CACHD1: variants seen among roughly 807,000 people sequenced by gnomAD.
The protein encoded by CACHD1 is cache domain containing 1, also known as VWFA and cache domain-containing protein 1.
A neutral mutation model predicts 138.7 loss-of-function variants in CACHD1; 71 were observed. That is an observed-to-expected ratio of 0.51 (90% CI 0.42 to 0.62). The LOEUF (loss-of-function observed/expected upper bound fraction) is 0.62. Among genes scored for constraint, CACHD1 ranks in the 20% least tolerant of loss-of-function variants. CACHD1 has a pLI of 0.00. For missense variants in CACHD1, 1,389 were observed against 1,625.3 expected, an observed-to-expected ratio of 0.85 and a Z score of 2.50; for synonymous variants, 578 against 591.5, an observed-to-expected ratio of 0.98 and a Z score of 0.33.
chr1:64,521,630 T>C (rs1646498724), intron 1 of CACHD1, among the ~76,000 whole-genome samples: 1 of 152,224 alleles, frequency 6.6e-6, no homozygotes, highest in African/African-American at 2.4e-5. Flanking sequence ...ATTGGATTGT[T>C]TCCACCTTTT....
intron 8 of CACHD1, 90 bp from the exon 9 acceptor site, chr1:64,647,711 T>C (rs896481756): frequency 1.9e-6 from 2 of 1,059,746 alleles, no homozygotes; most frequent in Non-Finnish European, 2.8e-6. Flanking sequence ...CAAGACCTCA[T>C]CCATGCCCGT....
Position 64,647,845 on chromosome 1 carries a change from G to A in CACHD1, c.1201G>A (p.Ala401Thr), listed in dbSNP as rs1648960170. Residue 401 changes from alanine (A) to threonine (T), a missense_variant, in exon 9 of 27, where the codon GCT (alanine) becomes ACT (threonine). By Grantham distance (58) the Ala-to-Thr change is moderately conservative. This residue lies in a region of CACHD1 where 1,000 missense variants were observed against 1,114.7 expected (regional missense o/e 0.90). Transcript: ENST00000651257. ...LKELAFLRDL[A>T]EQNSGKYGVP... ...AGAGCTGGCTTTTCTGAGGGATCTAGCTGAACAGAATTCAGGGAAGTACGG... is the reference window on the plus strand; with the variant it reads ...AGAGCTGGCTTTTCTGAGGGATCTAACTGAACAGAATTCAGGGAAGTACGG... 6.2e-7 allele frequency: 1 copy of A among 1,614,092 alleles called. No homozygotes were observed. Among genetic ancestry groups the A allele is most frequent in the South Asian group, 1.1e-5 (1 of 91,086 alleles).
chr1:64,547,284 C>A (rs892577102), intron 1 of CACHD1, among the ~76,000 whole-genome samples: 3 of 152,172 alleles, frequency 2.0e-5, no homozygotes, highest in Non-Finnish European at 4.4e-5. Flanking sequence ...CGATTACTGT[C>A]CATTGACCTA....
chr1:64,529,930 T>C (rs74082822), intron 1 of CACHD1, among the ~76,000 whole-genome samples: 3,018 of 152,312 alleles, frequency 0.02, 103 homozygotes, highest in African/African-American at 0.069. Context: ...AAATCTACTT[T>C]TTCGTCCTTC....
chr1:64,481,864 CTCTA>C (rs1423874863), intron 1 of CACHD1, among the ~76,000 whole-genome samples: 1 of 152,124 alleles, frequency 6.6e-6, no homozygotes, highest in African/African-American at 2.4e-5. Context: ...GTCTGCTTGA[CTCTA>C]TATATAAAAA....
At chr1:64,573,937 G>C (rs184259861) in intron 2 of CACHD1, among the ~76,000 whole-genome samples, 37 of 152,248 alleles carry the variant, frequency 2.4e-4, no homozygotes, top group South Asian at 2.1e-3. Context: ...TTGTGTTATT[G>C]GTTTGTTGGG....
chr1:64,663,308 T>C (rs1649508579), intron 13 of CACHD1, among the ~76,000 whole-genome samples: 1 of 152,058 alleles, frequency 6.6e-6, no homozygotes, highest in Admixed American at 6.5e-5. Context: ...ATCCCAGCAC[T>C]TTGGGAGGAC....
At chr1:64,651,122 A>T (rs756431463) in intron 9 of CACHD1, among the ~76,000 whole-genome samples, 2 of 152,112 alleles carry the variant, frequency 1.3e-5, no homozygotes, top group East Asian at 1.9e-4. Context: ...CCTGTTACCT[A>T]AGTACGGTCT....
intron 1 of CACHD1, among the ~76,000 whole-genome samples, chr1:64,544,140 C>G (rs932547818): frequency 2.6e-5 from 4 of 152,074 alleles, no homozygotes; most frequent in African/African-American, 9.7e-5. Flanking sequence ...CTGAATGAAG[C>G]CATTACTGAA....
intron 2 of CACHD1, among the ~76,000 whole-genome samples, chr1:64,581,427 AG>A (rs531350681): frequency 3.1e-4 from 47 of 152,308 alleles, no homozygotes; most frequent in African/African-American, 1.1e-3. Flanking sequence ...TCTTTGATGA[AG>A]CTGTGGTATT....
chr1:64,510,219 G>A (rs1646408977), intron 1 of CACHD1, among the ~76,000 whole-genome samples: 1 of 152,120 alleles, frequency 6.6e-6, no homozygotes, highest in East Asian at 1.9e-4. Flanking sequence ...AAGTAGAGTT[G>A]CTCCAACAGC....
chr1:64,654,858 T>C, intron 12 of CACHD1, 55 bp downstream of exon 12: 2 of 1,311,638 alleles, frequency 1.5e-6, no homozygotes, highest in Non-Finnish European at 2.2e-6. Flanking sequence ...AGTGCTCTTC[T>C]TCATGTTGGA....
chr1:64,486,373 C>CAT (rs1461436089), intron 1 of CACHD1, among the ~76,000 whole-genome samples: 5 of 147,120 alleles, frequency 3.4e-5, no homozygotes, highest in Non-Finnish European at 7.5e-5. Flanking sequence ...CACACATACA[C>CAT]ACACACACAC....
chr1:64,530,938 T>TTG (rs1646579947), intron 1 of CACHD1, among the ~76,000 whole-genome samples: 1 of 148,888 alleles, frequency 6.7e-6, no homozygotes, highest in Admixed American at 6.7e-5. Flanking sequence ...TTTTTGTTTT[T>TTG]TTTTTTTTTA....
intron 6 of CACHD1, 26 bp from the exon 7 acceptor site, chr1:64,634,018 G>GTTTT (rs764180229): frequency 4.9e-5 from 59 of 1,204,792 alleles, no homozygotes; most frequent in South Asian, 2.4e-4. Context: ...AAGTTTGGTG[G>GTTTT]TTTTTTTTTT....
intron 1 of CACHD1, among the ~76,000 whole-genome samples, chr1:64,494,276 G>A (rs371437332): frequency 4.6e-5 from 7 of 152,220 alleles, no homozygotes; most frequent in African/African-American, 1.7e-4. Context: ...GTAGGGGCTT[G>A]TAAAGTGGGA....
At chr1:64,563,478 C>G (rs1340056282) in intron 2 of CACHD1, among the ~76,000 whole-genome samples, 1 of 152,212 alleles carries the variant, frequency 6.6e-6, no homozygotes, top group Non-Finnish European at 1.5e-5. Context: ...GCATGAAATT[C>G]TATCCTTTTG....
chr1:64,681,673 A>T (rs530269834), intron 25 of CACHD1, among the ~76,000 whole-genome samples: 42 of 150,080 alleles, frequency 2.8e-4, no homozygotes, highest in Non-Finnish European at 5.0e-4. Context: ...TGCATTTTTT[A>T]AAAAATCCCT....
At chr1:64,522,593 C>CTAAAGTT in intron 1 of CACHD1, among the ~76,000 whole-genome samples, 1 of 152,184 alleles carries the variant, frequency 6.6e-6, no homozygotes, top group Non-Finnish European at 1.5e-5. Flanking sequence ...AGGCATGAGC[C>CTAAAGTT]CTGGTCGGAG....
Sources: gnomAD v4.1 joint callset for allele counts (sites outside exome capture counted in the v4.1 genomes callset) on GRCh38, gnomAD v4.1.1 for gene constraint, gnomAD v4.1.1 regional missense constraint, MANE v1.5 for transcripts, NCBI Gene and HGNC (gene_info 2026-07-23, HGNC 2026-07-21) for gene names.